The following SMS variants were observed in gnomAD, a reference collection of about 807,000 sequenced individuals.
SMS encodes spermidine aminopropyltransferase.
A neutral mutation model predicts 33.0 loss-of-function variants in SMS; 3 were observed. That is an observed-to-expected ratio of 0.09 (90% confidence interval 0.04 to 0.23). The LOEUF is 0.23. Ranked by LOEUF, SMS falls within the 10% of genes least tolerant of loss-of-function variation. The pLI, the probability that SMS is intolerant of heterozygous loss-of-function variation, is 1.00. For synonymous variants in SMS, 103 were observed against 112.2 expected, an observed-to-expected ratio of 0.92 and a Z score of 0.52; for missense variants, 117 against 288.6, an observed-to-expected ratio of 0.41 and a Z score of 4.31.
intron 1 of SMS, among the ~76,000 whole-genome samples, chrX:21,941,884 C>CAAAAAAAAAAAAAAA (rs760394146): frequency 5.1e-5 from 1 of 19,569 alleles, no homozygotes; most frequent in Admixed American, 3.9e-4. Context: ...GACCCTGTCT[C>CAAAAAAAAAAAAAAA]AAAAAAAAAA....
intron 4 of SMS, among the ~76,000 whole-genome samples, chrX:21,972,786 G>A (rs1239767391): frequency 1.8e-5 from 2 of 109,475 alleles, no homozygotes; most frequent in Non-Finnish European, 3.8e-5. Flanking sequence ...GTGCATGCCT[G>A]TAATTCCAGC....
Position 21,942,524 on chromosome X carries a change from A to T in SMS, c.49+1651A>T, listed in dbSNP as rs932863325. Reference sequence around the variant, plus strand: ...CAGTGTATTTAGGTGGTCTGAAGTGACTTAGAGAAAACAAAGCATGTTAAT... The same window carrying T: ...CAGTGTATTTAGGTGGTCTGAAGTGTCTTAGAGAAAACAAAGCATGTTAAT... On this transcript the variant is annotated intron_variant, in intron 1 of 10. Coordinates refer to ENST00000404933, the MANE Select transcript of SMS (RefSeq NM_004595.5). Among the ~76,000 whole-genome samples, 3 of 112,223 alleles carry T rather than the reference A, an allele frequency of 2.7e-5. No homozygotes were observed. The South Asian group carries it at 1.1e-3, about 41-fold the overall frequency.
intron 9 of SMS, among the ~76,000 whole-genome samples, chrX:21,988,924 C>T (rs1176093339): frequency 1.8e-5 from 2 of 109,520 alleles, no homozygotes; most frequent in South Asian, 3.9e-4. Flanking sequence ...ACCTAGGAGG[C>T]GGATCCTGGG....
At chrX:21,956,032 G>A (rs1922949589) in intron 1 of SMS, among the ~76,000 whole-genome samples, 1 of 112,114 alleles carries the variant, frequency 8.9e-6, no homozygotes, top group Non-Finnish European at 1.9e-5. Context: ...CTTGCAGTGG[G>A]AATGACAAGG....
intron 1 of SMS, among the ~76,000 whole-genome samples, chrX:21,942,620 T>A (rs1266067885): frequency 2.7e-5 from 3 of 110,330 alleles, no homozygotes; most frequent in Non-Finnish European, 5.7e-5. Context: ...GGTGCTTGAG[T>A]GGTGGAGCTG....
At chrX:21,985,728 CATAAG>C (rs1368963311) in intron 9 of SMS, among the ~76,000 whole-genome samples, 3 of 112,016 alleles carry the variant, frequency 2.7e-5, no homozygotes, top group African/African-American at 9.7e-5. Flanking sequence ...GATGCATAAA[CATAAG>C]ATAAGCACTT....
At chrX:21,971,688 T>G (rs1326271560) in intron 2 of SMS, among the ~76,000 whole-genome samples, 3 of 111,973 alleles carry the variant, frequency 2.7e-5, no homozygotes, top group Non-Finnish European at 5.6e-5. Flanking sequence ...ACCTTAATAT[T>G]TGGTAATGCC....
intron 1 of SMS, among the ~76,000 whole-genome samples, chrX:21,944,546 G>GAAAA (rs57596639): frequency 1.1e-4 from 7 of 66,655 alleles, no homozygotes; most frequent in African/African-American, 4.0e-4. Flanking sequence ...AAAAAAAAAA[G>GAAAA]AAAAAAAATT....
intron 1 of SMS, among the ~76,000 whole-genome samples, chrX:21,953,800 A>G (rs1922779390): frequency 9.0e-6 from 1 of 110,691 alleles, no homozygotes; most frequent in Admixed American, 9.6e-5. Flanking sequence ...TTTTCTTTGT[A>G]AGTCTTGCTA....
At chrX:21,975,999 T>C (rs1924510534) in intron 4 of SMS, among the ~76,000 whole-genome samples, 1 of 111,451 alleles carries the variant, frequency 9.0e-6, no homozygotes, top group African/African-American at 3.3e-5. Context: ...AGTTGTGTTA[T>C]GTATGCAGTG....
Position 21,940,783 on chromosome X carries a change from C to T in SMS, c.-42C>T, listed in dbSNP as rs1254968148. 8 of 1,067,218 alleles carry T rather than the reference C, an allele frequency of 7.5e-6. No homozygotes were observed. Among genetic ancestry groups the T allele is most frequent in the Non-Finnish European group, 7.4e-6 (6 of 809,728 alleles). 88.0% of individuals were successfully genotyped at this position (1,067,218 alleles called of 1,213,427 possible). A position where few individuals can be genotyped will look rare whatever the true frequency, so the allele number is the denominator to read the frequency against. ...CACGCCGCGCGGCCCCCCAGTCTCC[C>T]GCGGCTGCTCCCCCAGGCATGGCAC... On this transcript the variant is annotated 5_prime_UTR_variant, in exon 1 of 11. Coordinates refer to ENST00000404933, the MANE Select transcript of SMS (RefSeq NM_004595.5).
chrX:21,958,618 C>T (rs748631000), intron 1 of SMS, among the ~76,000 whole-genome samples: 33 of 112,702 alleles, frequency 2.9e-4, no homozygotes, highest in African/African-American at 9.7e-4. Context: ...TATTCCTCCC[C>T]GCATTCTTCC....
intron 9 of SMS, among the ~76,000 whole-genome samples, chrX:21,989,109 T>C (rs918287605): frequency 9.0e-6 from 1 of 111,510 alleles, no homozygotes; most frequent in Non-Finnish European, 1.9e-5. Context: ...CATTATACTA[T>C]TTAATTTTAC....
At chrX:21,944,469 TGAGCCCAA>T (rs1922036442) in intron 1 of SMS, among the ~76,000 whole-genome samples, 1 of 93,685 alleles carries the variant, frequency 1.1e-5, no homozygotes, top group Admixed American at 1.4e-4. Context: ...GCGAAGCGCT[TGAGCCCAA>T]GAGTTCAAGA....
chrX:21,951,392 G>A (rs1922596969), intron 1 of SMS, among the ~76,000 whole-genome samples: 1 of 112,333 alleles, frequency 8.9e-6, no homozygotes, highest in South Asian at 3.6e-4. Flanking sequence ...TAGGTTGCCT[G>A]TTCACTCTGA....
intron 1 of SMS, among the ~76,000 whole-genome samples, chrX:21,942,221 C>A (rs1054177460): frequency 1.5e-4 from 17 of 110,955 alleles, no homozygotes; most frequent in Non-Finnish European, 1.9e-5. Context: ...AACACTGTTC[C>A]TTTCTTTCTG....
intron 1 of SMS, among the ~76,000 whole-genome samples, chrX:21,965,036 C>T (rs1923603907): frequency 9.0e-6 from 1 of 111,181 alleles, no homozygotes; most frequent in African/African-American, 3.3e-5. Flanking sequence ...TGCTCTTAAT[C>T]ACTCCAATCT....
intron 4 of SMS, among the ~76,000 whole-genome samples, chrX:21,975,710 A>C (rs1924493461): frequency 9.0e-6 from 1 of 111,146 alleles, no homozygotes; most frequent in East Asian, 2.8e-4. Flanking sequence ...TGGAAGGTGA[A>C]GAAGTGGTTA....
chrX:21,988,693 G>A (rs370950553), intron 9 of SMS, among the ~76,000 whole-genome samples: 12 of 84,199 alleles, frequency 1.4e-4, no homozygotes, highest in African/African-American at 4.1e-4. Flanking sequence ...AAAAAAAAAA[G>A]GAGTCAGGTT....
Sources: allele counts gnomAD v4.1 joint callset (sites outside exome capture counted in the v4.1 genomes callset), GRCh38; gene constraint gnomAD v4.1.1; transcripts MANE v1.5; gene names NCBI Gene and HGNC (gene_info 2026-07-23, HGNC 2026-07-21).